ZNF384: variants seen among roughly 807,000 people sequenced by gnomAD.
The protein encoded by ZNF384 is CAG repeat protein 1.
In ZNF384, 20 loss-of-function variants were observed where a neutral mutation model predicts 65.0. The ratio of observed to expected loss-of-function variants is 0.31; its 90% CI spans 0.22 to 0.45. The LOEUF is 0.45. Among genes scored for constraint, ZNF384 ranks in the 20% least tolerant of loss-of-function variants. ZNF384 has a pLI of 1.00. For synonymous variants in ZNF384, 310 were observed against 303.9 expected (o/e 1.02, Z -0.21); for missense variants, 549 against 769.4 (o/e 0.71, Z 3.39).
rs758681330 is a variant in ZNF384 at position 6,667,854 on chromosome 12, C to T, written c.1687G>A (p.Gly563Ser). The change falls in exon 12 of 12, where the codon GGT (glycine) becomes AGT (serine). Residue 563 changes from glycine to serine, a missense_variant. By Grantham distance (56) the Gly-to-Ser change is moderately conservative. This residue lies in a region of ZNF384 where 136 missense variants were observed against 183.0 expected (regional missense o/e 0.74). Transcript: ENST00000683879. The stretch of plus-strand genomic sequence containing the variant: ...GGGTTGGGATTGCTGTCCCCACCAC[C>T]CCCACCCTGGGGGGCTGCCCCAGGA... Reference protein sequence around the residue: ...QSPGAAPQGGGGGDSNPNPPP... With the variant: ...QSPGAAPQGGSGGDSNPNPPP... 6.8e-6 allele frequency: 11 copies of T among 1,614,178 alleles called. No homozygotes were observed. The highest frequency in any genetic ancestry group is 1.7e-4 in the Middle Eastern group (1 of 6,058).
rs1950166546 is a variant in ZNF384, at chr12:6,667,943, TGC to T, written c.1596_1597del (p.Gln533AlafsTer45). ...CTGCTGCTGCTGCTGCTGCTGCTGCTGCTGTGATGCCTGGGAGGCCTGGGCCT... is the reference window on the plus strand; with the variant it reads ...CTGCTGCTGCTGCTGCTGCTGCTGCTTGTGATGCCTGGGAGGCCTGGGCCT... On this transcript the variant is annotated frameshift_variant, in exon 12 of 12. Coordinates refer to ENST00000683879, the MANE Select transcript of ZNF384 (RefSeq NM_001385745.1). LOFTEE classifies it high-confidence loss of function. The T allele has an allele frequency of 2.5e-6, 4 of 1,609,832 alleles. No homozygotes were observed. The highest frequency in any genetic ancestry group is 3.4e-6 in the Non-Finnish European group (4 of 1,178,066).
chr12:6,672,256 C>G lies in ZNF384; in HGVS notation c.1187+94G>C. The G allele has an allele frequency of 2.2e-6, 3 of 1,389,618 alleles. No homozygotes were observed. The highest frequency in any genetic ancestry group is 1.4e-5 in the South Asian group (1 of 70,958). The allele number at this position is 1,389,618 out of a possible 1,614,324, so 86.1% of individuals were successfully genotyped here. A position where few individuals can be genotyped will look rare whatever the true frequency, so the allele number is the denominator to read the frequency against. Reference sequence around the variant, plus strand: ...CTCTCCTCCAGCCAGGTCTCTCCCCCGCCCCCCGCATGCGGGTTGTTGTGT... The same window carrying G: ...CTCTCCTCCAGCCAGGTCTCTCCCCGGCCCCCCGCATGCGGGTTGTTGTGT... On this transcript the variant is annotated intron_variant, in intron 9 of 11. Coordinates refer to ENST00000683879, the MANE Select transcript of ZNF384 (RefSeq NM_001385745.1). The surrounding 1 kb of genome is among the most constrained non-coding windows in gnomAD (Gnocchi z 4.4).
chr12:6,670,982 T>C (rs1407085577), intron 9 of ZNF384, 144 bp from the exon 10 acceptor site: 23 of 663,574 alleles, frequency 3.5e-5, no homozygotes, highest in Non-Finnish European at 6.1e-5. Context: ...TCCTCTCTGA[T>C]GTGGATCAGG....
At chr12:6,669,932 ACGCGCG>A (rs67939669) in intron 10 of ZNF384, among the ~76,000 whole-genome samples, 1 of 151,732 alleles carries the variant, frequency 6.6e-6, no homozygotes, top group Non-Finnish European at 1.5e-5. Flanking sequence ...AAACACGCAC[ACGCGCG>A]CGCGCACACA....
chr12:6,686,687 T>C (rs1047984289), intron 2 of ZNF384, among the ~76,000 whole-genome samples: 2 of 152,118 alleles, frequency 1.3e-5, no homozygotes, highest in African/African-American at 2.4e-5. Context: ...ATAAATAAGT[T>C]TGTAAGGCAT....
chr12:6,678,595 C>CA lies in ZNF384; in HGVS notation c.352+67dup. On this transcript the variant is annotated intron_variant, in intron 5 of 11. Transcript: ENST00000683879. The surrounding 1 kb of genome is among the most constrained non-coding windows in gnomAD (Gnocchi z 4.9). Reference sequence around the variant, plus strand: ...CCAACCCAGAGTACACAGGAAATCCCAAACCCTGTAGAAAAATAATGGTCT... The same window carrying CA: ...CCAACCCAGAGTACACAGGAAATCCCAAAACCCTGTAGAAAAATAATGGTCT... The CA allele has an allele frequency of 6.3e-7, 1 of 1,590,260 alleles. No individual in the cohort carries two copies. The highest frequency in any genetic ancestry group is 8.6e-7 in the Non-Finnish European group (1 of 1,162,848).
At chr12:6,682,634 T>C (rs577498855) in intron 2 of ZNF384, among the ~76,000 whole-genome samples, 22 of 152,154 alleles carry the variant, frequency 1.4e-4, no homozygotes, top group Non-Finnish European at 2.6e-4. Context: ...AGAGAAACCC[T>C]GTCTCAAAAA....
chr12:6,668,907 TCTG>T, intron 11 of ZNF384, 121 bp downstream of exon 11: 8 of 1,010,336 alleles, frequency 7.9e-6, no homozygotes, highest in Non-Finnish European at 1.1e-5. Context: ...ATTTACCTGT[TCTG>T]CTAAGTTGGA....
chr12:6,678,957 A>G lies in ZNF384; in HGVS notation c.293T>C (p.Leu98Pro), dbSNP rs1592395666. The change falls in exon 4 of 12, where the codon CTG (leucine) becomes CCG (proline). Residue 98 changes from leucine to proline, a missense_variant. Physicochemically the swap from Leu to Pro is moderately conservative, Grantham distance 98. Coordinates refer to ENST00000683879, the MANE Select transcript of ZNF384 (RefSeq NM_001385745.1). The surrounding 1 kb of genome is among the most constrained non-coding windows in gnomAD (Gnocchi z 4.9). Reference protein sequence around the residue: ...ITVVPVPSTGLMTAGVSCSQR... With the variant: ...ITVVPVPSTGPMTAGVSCSQR... ...GCAGAGTTGCTCACCAGCAGTCATC[A>G]GTCCTGTAGACGGCACAGGGACCAC... 6.2e-7 allele frequency: 1 copy of G among 1,613,916 alleles called. No individual in the cohort carries two copies. Among genetic ancestry groups the G allele is most frequent in the Non-Finnish European group, 8.5e-7 (1 of 1,179,866 alleles).
rs139957806 is a variant in ZNF384 at position 6,667,798 on chromosome 12, C to T, written c.1743G>A (p.Pro581=). 80 of 1,614,192 alleles carry T rather than the reference C, an allele frequency of 5.0e-5. No individual in the cohort carries two copies. In the Middle Eastern group the frequency reaches 6.6e-4, roughly 13 times the overall value. The part of the protein sequence containing the change: ...PPPQCSFDLT[P]YKTAEHHKDI... ...CCTTATGATGCTCCGCCGTCTTATA[C>T]GGGGTCAGGTCAAAGGAACACTGGG... Residue 581 remains proline, a synonymous_variant, in exon 12 of 12, where the codon CCG becomes CCA. Coordinates refer to ENST00000683879, the MANE Select transcript of ZNF384 (RefSeq NM_001385745.1).
rs1194728885 is a variant in ZNF384, at chr12:6,672,464, G to C, written c.1073C>G (p.Ala358Gly). The C allele has an allele frequency of 6.2e-7, 1 of 1,614,178 alleles. No homozygotes were observed. The highest frequency in any genetic ancestry group is 1.7e-5 in the Admixed American group (1 of 60,018). ...GTGCTGGGCCAGGTAGGAGGTGTTG[G>C]CGAAGGTCTTGGAGCAGTGCGGGCA... ...HKCPHCSKTF[A>G]NTSYLAQHLR... is the part of the protein sequence containing the mutation. Residue 358 changes from alanine (A) to glycine (G), a missense_variant, in exon 9 of 12, where the codon GCC becomes GGC. Ala to Gly is a moderately conservative substitution (Grantham distance 60). This residue lies in a region of ZNF384 where 59 missense variants were observed against 63.6 expected (regional missense o/e 0.93). Coordinates refer to ENST00000683879, the MANE Select transcript of ZNF384 (RefSeq NM_001385745.1). This position sits in a 1 kb window ranked among gnomAD's most constrained non-coding sequence, Gnocchi z 4.4.
chr12:6,669,534 C>T (rs931359972), intron 10 of ZNF384, among the ~76,000 whole-genome samples: 17 of 151,118 alleles, frequency 1.1e-4, no homozygotes, highest in Non-Finnish European at 2.2e-4. Context: ...GTCTCTCACT[C>T]TGTCGCTCAG....
At position 6,668,318 on chromosome 12, in the gene ZNF384, C is replaced by T. The variant is rs920238595; in HGVS notation, c.1426-203G>A. Reference sequence around the variant, plus strand: ...AAGAGAGGAACCTTTAGAAGTCACTCAACATTCAACTGGCAAAGGAATGAG... The same window carrying T: ...AAGAGAGGAACCTTTAGAAGTCACTTAACATTCAACTGGCAAAGGAATGAG... On this transcript the variant is annotated intron_variant, in intron 11 of 11. Transcript: ENST00000683879. Among the ~76,000 whole-genome samples the T allele has an allele frequency of 3.3e-5, 5 of 152,096 alleles. No individual in the cohort carries two copies. In the South Asian group the frequency reaches 6.2e-4, roughly 19 times the overall value.
Position 6,667,565 on chromosome 12 carries a change from G to C in ZNF384, c.*149C>G. ...TTGAAGAAGAGTTCAGAAAAAGGAT[G>C]GTATCCTGTGAAGGAAAGCCGTGAC... On this transcript the variant is annotated 3_prime_UTR_variant, in exon 12 of 12. Coordinates refer to ENST00000683879, the MANE Select transcript of ZNF384 (RefSeq NM_001385745.1). 9.9e-7 allele frequency: 1 copy of C among 1,006,228 alleles called. No individual in the cohort carries two copies. Among genetic ancestry groups the C allele is most frequent in the South Asian group, 1.3e-5 (1 of 78,364 alleles). The allele number at this position is 1,006,228 out of a possible 1,614,324, so 62.3% of individuals were successfully genotyped here.
At chr12:6,675,363 AAAGT>A (rs1279293692) in intron 7 of ZNF384, among the ~76,000 whole-genome samples, 5 of 152,232 alleles carry the variant, frequency 3.3e-5, no homozygotes, top group Non-Finnish European at 5.9e-5. Context: ...AAAGACTCAG[AAAGT>A]AAGTAATTTG....
intron 7 of ZNF384, among the ~76,000 whole-genome samples, chr12:6,675,074 T>G (rs561534689): frequency 2.5e-4 from 38 of 152,368 alleles, no homozygotes; most frequent in African/African-American, 8.9e-4. Flanking sequence ...AATTCTGCCC[T>G]TAACATTAAG....
In ZNF384 at chr12:6,678,029, A is replaced by T. The variant is rs1954361342; in HGVS notation, c.686+98T>A. 7 of 1,156,916 alleles carry T rather than the reference A, an allele frequency of 6.1e-6. No homozygotes were observed. Among genetic ancestry groups the T allele is most frequent in the Non-Finnish European group, 7.4e-6 (6 of 809,174 alleles). 71.7% of individuals were successfully genotyped at this position (1,156,916 alleles called of 1,614,324 possible). A position where few individuals can be genotyped will look rare whatever the true frequency, so the allele number is the denominator to read the frequency against. On this transcript the variant is annotated intron_variant, in intron 6 of 11. Coordinates refer to ENST00000683879, the MANE Select transcript of ZNF384 (RefSeq NM_001385745.1). This position sits in a 1 kb window ranked among gnomAD's most constrained non-coding sequence, Gnocchi z 4.9. The stretch of plus-strand genomic sequence containing the variant: ...TGGCTCAGAGCTGGGAAGCTGTCAG[A>T]GTGTAGCGCCTGACCGGGGCAGAAC...
intron 2 of ZNF384, among the ~76,000 whole-genome samples, chr12:6,682,120 G>A (rs1181393376): frequency 9.2e-5 from 13 of 141,530 alleles, no homozygotes; most frequent in Non-Finnish European, 1.4e-4. Context: ...ATTTGAGACC[G>A]TGTCTCTAAA....
intron 3 of ZNF384, 71 bp from the exon 4 acceptor site, chr12:6,679,254 C>T: frequency 2.1e-6 from 3 of 1,396,536 alleles, no homozygotes; most frequent in Non-Finnish European, 3.0e-6. Flanking sequence ...CTCGTGAGCA[C>T]ACTTCAGTGT....
Sources: gnomAD v4.1 joint callset for allele counts (sites outside exome capture counted in the v4.1 genomes callset) on GRCh38, gnomAD v4.1.1 for gene constraint, gnomAD v4.1.1 regional missense constraint, Gnocchi (gnomAD v3.1) non-coding constraint, MANE v1.5 for transcripts, NCBI Gene and HGNC (gene_info 2026-07-23, HGNC 2026-07-21) for gene names.